Variants in ZBTB49 observed in about 807,000 individuals in gnomAD.
ZBTB49 encodes zinc finger and BTB domain containing 49.
A neutral mutation model predicts 57.5 loss-of-function variants in ZBTB49; 43 were observed. The observed-to-expected ratio is 0.75, with a 90% CI of 0.59 to 0.97. ZBTB49 has a LOEUF of 0.97. ZBTB49 is among the 50% of genes least tolerant of loss of function. The probability of loss-of-function intolerance (pLI) is 0.00; values close to 1 mark genes in which losing one functional copy is unlikely to be tolerated. For synonymous variants in ZBTB49, 369 were observed against 362.1 expected, an observed-to-expected ratio of 1.02 and a Z score of -0.22; for missense variants, 938 against 947.7, an observed-to-expected ratio of 0.99 and a Z score of 0.13.
intron 3 of ZBTB49, 42 bp downstream of exon 3, chr4:4,303,133 T>G: frequency 1.3e-6 from 2 of 1,522,286 alleles, no homozygotes; most frequent in Non-Finnish European, 1.8e-6. Flanking sequence ...AAGGACGTAA[T>G]GCGGATGCTC....
At chr4:4,313,377 T>C (rs1262572021) in intron 5 of ZBTB49, among the ~76,000 whole-genome samples, 3 of 152,220 alleles carry the variant, frequency 2.0e-5, no homozygotes, top group Admixed American at 2.0e-4. Context: ...AACAAAATTA[T>C]TTTATACTAA....
Position 4,320,736 on chromosome 4 carries a change from C to T in ZBTB49, c.1718C>T (p.Thr573Ile). 6.2e-7 allele frequency: 1 copy of T among 1,614,220 alleles called. No homozygotes were observed. The highest frequency in any genetic ancestry group is 8.5e-7 in the Non-Finnish European group (1 of 1,180,044). The change falls in exon 8 of 8, where the codon ACC becomes ATC. Residue 573 changes from threonine (T) to isoleucine (I), a missense_variant. Physicochemically the swap from Thr to Ile is moderately conservative, Grantham distance 89 (BLOSUM62 -1). Around this residue, in one of 3 missense-constraint regions of ZBTB49, gnomAD observed 835 missense variants for 819.1 expected, o/e 1.02. Transcript: ENST00000337872. ...YTCEICNKCF[T>I]RSAVLRRHKK... ...TGTGAGATCTGTAACAAGTGCTTTA[C>T]CCGCTCTGCGGTGCTCCGGCGGCAC...
chr4:4,306,123 TTTG>T lies in ZBTB49; in HGVS notation c.1256-12_1256-10del. ...TAGTAATGATTTTACAAGTTGTTGT[TTTG>T]TTTTGTTTTAGGTGAGAAACCTTTT... On this transcript the variant is annotated splice_polypyrimidine_tract_variant and intron_variant, in intron 3 of 7. Transcript: ENST00000337872. 1 of 1,608,276 alleles carries T rather than the reference TTTG, an allele frequency of 6.2e-7. No homozygotes were observed. The highest frequency in any genetic ancestry group is 8.5e-7 in the Non-Finnish European group (1 of 1,177,014).
intron 1 of ZBTB49, among the ~76,000 whole-genome samples, chr4:4,297,110 G>A (rs2980168): frequency 1.1e-3 from 163 of 152,022 alleles, no homozygotes; most frequent in African/African-American, 1.3e-3. Context: ...TCGCTTTGTC[G>A]CCTAGGCTAG....
At chr4:4,319,404 G>A (rs1327119137) in intron 7 of ZBTB49, among the ~76,000 whole-genome samples, 2 of 152,238 alleles carry the variant, frequency 1.3e-5, no homozygotes, top group Non-Finnish European at 2.9e-5. Context: ...GCCTTTGTAA[G>A]GTTATGTGCT....
In ZBTB49 at chr4:4,303,109, C is replaced by T; in HGVS notation, c.1255+18C>T. ...TCATACAGGTAACTGATTCAGTACC[C>T]ACAGGCAGAAGGGAAGGACGTAATG... On this transcript the variant is annotated intron_variant, in intron 3 of 7. Transcript: ENST00000337872. The T allele has an allele frequency of 6.4e-7, 1 of 1,563,048 alleles. No individual in the cohort carries two copies. Among genetic ancestry groups the T allele is most frequent in the Non-Finnish European group, 8.7e-7 (1 of 1,153,786 alleles).
chr4:4,302,588 C>T lies in ZBTB49; in HGVS notation c.752C>T (p.Thr251Met), dbSNP rs144244525. ...TTCAGCACCTCTACAGACCTTACCA[C>T]GGTAGAGAGCCAGCCTTGTGCCGTC... ...FAFSTSTDLTTVESQPCAVSH... is the reference protein window; with the variant it reads ...FAFSTSTDLTMVESQPCAVSH... The change falls in exon 3 of 8, where the codon ACG becomes ATG. Residue 251 changes from threonine to methionine, a missense_variant. Thr to Met is a moderately conservative substitution (Grantham distance 81, BLOSUM62 -1). Coordinates refer to ENST00000337872, the MANE Select transcript of ZBTB49 (RefSeq NM_145291.4). 55 of 1,613,776 alleles carry T rather than the reference C, an allele frequency of 3.4e-5. No individual in the cohort carries two copies. Among genetic ancestry groups the T allele is most frequent in the African/African-American group, 2.7e-4 (20 of 74,896 alleles).
Position 4,302,240 on chromosome 4 carries a change from C to T in ZBTB49, c.404C>T (p.Ser135Phe). 1 of 1,614,230 alleles carries T rather than the reference C, an allele frequency of 6.2e-7. No individual in the cohort carries two copies. Among genetic ancestry groups the T allele is most frequent in the South Asian group, 1.1e-5 (1 of 91,088 alleles). The change falls in exon 3 of 8, where the codon TCT becomes TTT. Residue 135 changes from serine to phenylalanine, a missense_variant. Transcript: ENST00000337872. Reference protein sequence around the residue: ...PPGMPCNSTLSLQSTLTPDAT... With the variant: ...PPGMPCNSTLFLQSTLTPDAT... Reference sequence around the variant, plus strand: ...GGCATGCCTTGTAATAGTACATTGTCTCTACAAAGCACCCTGACCCCAGAT... The same window carrying T: ...GGCATGCCTTGTAATAGTACATTGTTTCTACAAAGCACCCTGACCCCAGAT...
intron 5 of ZBTB49, 96 bp from the exon 6 acceptor site, chr4:4,315,540 T>C: frequency 8.4e-7 from 1 of 1,189,770 alleles, no homozygotes; most frequent in Non-Finnish European, 1.2e-6. Context: ...TGCAGCAGTG[T>C]CAGGAGCAGG....
intron 1 of ZBTB49, among the ~76,000 whole-genome samples, chr4:4,298,340 TGTA>T (rs1394381542): frequency 6.6e-6 from 1 of 152,192 alleles, no homozygotes; most frequent in Non-Finnish European, 1.5e-5. Flanking sequence ...GGATTAGTAT[TGTA>T]GTGACTTTTT....
intron 7 of ZBTB49, 78 bp from the exon 8 acceptor site, chr4:4,320,562 G>T (rs1480691544): frequency 1.3e-6 from 2 of 1,560,738 alleles, no homozygotes; most frequent in East Asian, 4.6e-5. Context: ...ATTGTTTGAG[G>T]CTAGGAGTTC....
chr4:4,315,542 A>G (rs1477692393), intron 5 of ZBTB49, 94 bp from the exon 6 acceptor site: 2 of 1,207,580 alleles, frequency 1.7e-6, no homozygotes, highest in Non-Finnish European at 2.4e-6. Context: ...CAGCAGTGTC[A>G]GGAGCAGGTA....
Position 4,315,679 on chromosome 4 carries a change from T to A in ZBTB49, c.1420T>A (p.Ser474Thr). Residue 474 changes from serine (S) to threonine (T), a missense_variant, in exon 6 of 8, where the codon TCA (serine) becomes ACA (threonine). Coordinates refer to ENST00000337872, the MANE Select transcript of ZBTB49 (RefSeq NM_145291.4). The part of the protein sequence containing the change: ...GDVQRHIIIH[S>T]GEKPHLCDIC... ...CGTCCAGCGTCACATTATTATTCACTCAGGAGAAAAACCACACTTGTGTGA... is the reference window on the plus strand; with the variant it reads ...CGTCCAGCGTCACATTATTATTCACACAGGAGAAAAACCACACTTGTGTGA... 1 of 1,614,194 alleles carries A rather than the reference T, an allele frequency of 6.2e-7. No individual in the cohort carries two copies. The highest frequency in any genetic ancestry group is 8.5e-7 in the Non-Finnish European group (1 of 1,180,038).
In ZBTB49 at chr4:4,320,904, C is replaced by T. The variant is rs755498597; in HGVS notation, c.1886C>T (p.Ser629Leu). The change falls in exon 8 of 8, where the codon TCG becomes TTG. Residue 629 changes from serine (S) to leucine (L), a missense_variant. By Grantham distance (145) the Ser-to-Leu change is moderately radical. Around this residue, in one of 3 missense-constraint regions of ZBTB49, gnomAD observed 835 missense variants for 819.1 expected, o/e 1.02. Transcript: ENST00000337872. The part of the protein sequence containing the change: ...QDTSVTLMPV[S>L]VKLPVHPVEN... ...ACGTCTGTGACGCTGATGCCAGTGT[C>T]GGTTAAACTCCCTGTCCACCCAGTG... The T allele has an allele frequency of 1.5e-5, 25 of 1,614,094 alleles. No homozygotes were observed. Among genetic ancestry groups the T allele is most frequent in the African/African-American group, 1.2e-4 (9 of 74,930 alleles).
intron 1 of ZBTB49, among the ~76,000 whole-genome samples, chr4:4,298,795 A>G (rs1342779786): frequency 2.0e-5 from 3 of 152,058 alleles, no homozygotes; most frequent in African/African-American, 7.2e-5. Context: ...TTTCTCTTCC[A>G]TAAATCATCC....
At chr4:4,309,292 G>C (rs1720873889) in intron 4 of ZBTB49, among the ~76,000 whole-genome samples, 1 of 152,182 alleles carries the variant, frequency 6.6e-6, no homozygotes, top group South Asian at 2.1e-4. Context: ...ACTGGACACT[G>C]TATGTGTCCA....
chr4:4,319,081 C>A (rs1320758554), intron 7 of ZBTB49, among the ~76,000 whole-genome samples: 1 of 151,710 alleles, frequency 6.6e-6, no homozygotes, highest in Admixed American at 6.6e-5. Context: ...TTTGTAGAGA[C>A]AGGGTCTCAC....
chr4:4,299,813 G>A (rs1251210065), intron 1 of ZBTB49, 114 bp from the exon 2 acceptor site: 1 of 835,700 alleles, frequency 1.2e-6, no homozygotes, highest in Non-Finnish European at 1.7e-6. Context: ...GTGTGTGTGA[G>A]AGAGAAACTG....
intron 2 of ZBTB49, among the ~76,000 whole-genome samples, 174 bp downstream of exon 2, chr4:4,300,271 T>A (rs1022690101): frequency 5.9e-5 from 9 of 152,240 alleles, no homozygotes; most frequent in African/African-American, 2.2e-4. Context: ...TTATTATTTT[T>A]GCTTTTGTGT....
Sources: allele counts gnomAD v4.1 joint callset (sites outside exome capture counted in the v4.1 genomes callset), GRCh38; gene constraint gnomAD v4.1.1; regional missense constraint gnomAD v4.1.1; transcripts MANE v1.5; gene names NCBI Gene and HGNC (gene_info 2026-07-23, HGNC 2026-07-21).